The following ZFHX3 variants were observed in gnomAD, a reference collection of about 807,000 sequenced individuals.
ZFHX3 encodes the protein zinc finger homeobox 3.
A neutral mutation model predicts 279.1 loss-of-function variants in ZFHX3; 42 were observed. That is an observed-to-expected ratio of 0.15 (90% CI 0.12 to 0.19). The LOEUF (loss-of-function observed/expected upper bound fraction) is 0.19. Among genes scored for constraint, ZFHX3 ranks in the 10% least tolerant of loss-of-function variants. The pLI, the probability that ZFHX3 is intolerant of heterozygous loss-of-function variation, is 1.00. For synonymous variants in ZFHX3, 2,293 were observed against 1,957.8 expected (o/e 1.17, Z -4.52); for missense variants, 4,981 against 4,754.0 (o/e 1.05, Z -1.40).
chr16:73,480,088 CT>C (rs560032783), intron 2 of ZFHX3, among the ~76,000 whole-genome samples: 5 of 152,020 alleles, frequency 3.3e-5, no homozygotes, highest in Non-Finnish European at 7.4e-5. Context: ...TTTTTGTTTT[CT>C]TTTTTCCTCC....
chr16:72,872,581 C>T (rs896836385), intron 4 of ZFHX3, among the ~76,000 whole-genome samples: 22 of 152,266 alleles, frequency 1.4e-4, no homozygotes, highest in South Asian at 1.0e-3. Context: ...CCTCAGCCTC[C>T]GGAGTACCTG....
intron 5 of ZFHX3, among the ~76,000 whole-genome samples, chr16:73,168,866 T>A (rs1301057235): frequency 6.6e-6 from 1 of 152,210 alleles, no homozygotes; most frequent in East Asian, 1.9e-4. Context: ...TCCACATCTA[T>A]GACCCTTGAG....
rs1882525671 is a variant in ZFHX3 at position 73,180,958 on chromosome 16, T to C, written c.-1103-37127A>G. On this transcript the variant is annotated intron_variant, in intron 5 of 17. Transcript: ENST00000641206. ...GATTACAGGCGTGAGCCACCGCGCC[T>C]GGCCCATTGTGCTTCTTTAAATGGC... Among the ~76,000 whole-genome samples the C allele has an allele frequency of 2.0e-5, 3 of 152,160 alleles. No homozygotes were observed. The South Asian group carries it at 6.2e-4, about 32-fold the overall frequency.
At chr16:73,486,951 G>A in intron 2 of ZFHX3, 1 of 434,596 alleles carries the variant, frequency 2.3e-6, no homozygotes, top group South Asian at 1.6e-5. Flanking sequence ...TGGGTTACTG[G>A]GTATTTATAT....
intron 2 of ZFHX3, among the ~76,000 whole-genome samples, chr16:73,617,752 C>T (rs1043793011): frequency 6.6e-6 from 1 of 152,008 alleles, no homozygotes; most frequent in Admixed American, 6.6e-5. Flanking sequence ...ATTGGGAGGG[C>T]TCTCAAAATG....
At chr16:72,943,799 G>T (rs1306418982) in intron 3 of ZFHX3, among the ~76,000 whole-genome samples, 3 of 152,090 alleles carry the variant, frequency 2.0e-5, no homozygotes, top group African/African-American at 7.2e-5. Context: ...CCCACTTCAT[G>T]GTGTGTGTAG....
At chr16:72,837,474 A>ATTTTT (rs761762599) in intron 4 of ZFHX3, among the ~76,000 whole-genome samples, 4 of 125,194 alleles carry the variant, frequency 3.2e-5, no homozygotes, top group South Asian at 2.6e-4. Flanking sequence ...TCCAATGATG[A>ATTTTT]TTTTTTTTTT....
intron 3 of ZFHX3, among the ~76,000 whole-genome samples, chr16:73,430,813 T>C (rs530960385): frequency 2.0e-5 from 3 of 152,338 alleles, no homozygotes; most frequent in African/African-American, 7.2e-5. Context: ...CACTATTTCT[T>C]AATCGTTTCC....
At chr16:73,713,162 A>T (rs995211291) in intron 1 of ZFHX3, among the ~76,000 whole-genome samples, 1 of 152,232 alleles carries the variant, frequency 6.6e-6, no homozygotes, top group Non-Finnish European at 1.5e-5. Context: ...ATGCTGGGAT[A>T]ATGAAGTATA....
chr16:72,969,087 TAAAAGA>T (rs1961984225), intron 1 of ZFHX3, among the ~76,000 whole-genome samples: 1 of 152,142 alleles, frequency 6.6e-6, no homozygotes, highest in Non-Finnish European at 1.5e-5. Flanking sequence ...TTGAAATTGT[TAAAAGA>T]AAAAGAAACT....
At chr16:73,244,183 G>A (rs955290375) in intron 5 of ZFHX3, among the ~76,000 whole-genome samples, 4 of 152,186 alleles carry the variant, frequency 2.6e-5, no homozygotes, top group Admixed American at 2.6e-4. Context: ...TCGGAGGAGG[G>A]TTTTTGGGAA....
At chr16:72,820,003 C>T (rs1261537560) in intron 5 of ZFHX3, among the ~76,000 whole-genome samples, 2 of 152,212 alleles carry the variant, frequency 1.3e-5, no homozygotes, top group Admixed American at 6.5e-5. Context: ...CTTTTTAGTG[C>T]TGGCTTCCCT....
chr16:73,206,409 G>A (rs993808916), intron 5 of ZFHX3, among the ~76,000 whole-genome samples: 2 of 152,174 alleles, frequency 1.3e-5, no homozygotes, highest in African/African-American at 4.8e-5. Flanking sequence ...GGAAAACAGG[G>A]AGTCTGCTGT....
chr16:73,402,001 C>G (rs1433799740), intron 3 of ZFHX3: 1 of 152,158 alleles, frequency 6.6e-6, no homozygotes, highest in Non-Finnish European at 1.5e-5. Context: ...TTAAAAGAGT[C>G]ACCCTCTATA....
intron 7 of ZFHX3, among the ~76,000 whole-genome samples, chr16:73,105,457 A>ACACACACACATATATATATATATTT (rs1966291479): frequency 8.3e-6 from 1 of 120,456 alleles, no homozygotes; most frequent in Non-Finnish European, 1.7e-5. Context: ...ATATATATAT[A>ACACACACACATATATATATATATTT]TTTTTTCCCC....
At chr16:72,869,935 C>T (rs2038113354) in intron 4 of ZFHX3, among the ~76,000 whole-genome samples, 1 of 152,168 alleles carries the variant, frequency 6.6e-6, no homozygotes, top group Non-Finnish European at 1.5e-5. Context: ...TGAAACAATA[C>T]ACGAGAAAGA....
At chr16:72,871,200 A>T (rs2038152953) in intron 4 of ZFHX3, among the ~76,000 whole-genome samples, 1 of 152,106 alleles carries the variant, frequency 6.6e-6, no homozygotes, top group African/African-American at 2.4e-5. Context: ...TTTGAGATGG[A>T]GTTTTGCTCT....
chr16:73,650,638 C>T, intron 2 of ZFHX3, among the ~76,000 whole-genome samples: 1 of 152,114 alleles, frequency 6.6e-6, no homozygotes, highest in East Asian at 1.9e-4. Context: ...TAATTTTGCC[C>T]TTCGACATTT....
chr16:73,741,267 CA>C (rs1166107805), intron 1 of ZFHX3, among the ~76,000 whole-genome samples: 1 of 152,048 alleles, frequency 6.6e-6, no homozygotes, highest in Non-Finnish European at 1.5e-5. Context: ...TATGGAAATA[CA>C]AGCTTTAAAG....
Sources: gnomAD v4.1 joint callset for allele counts (sites outside exome capture counted in the v4.1 genomes callset) on GRCh38, gnomAD v4.1.1 for gene constraint, MANE v1.5 for transcripts, NCBI Gene and HGNC (gene_info 2026-07-23, HGNC 2026-07-21) for gene names.